The following KCNMA1 variants were observed in gnomAD, a reference collection of about 807,000 sequenced individuals.
The protein encoded by KCNMA1 is Calcium-activated potassium channel subunit alpha-1.
KCNMA1 carries 29 observed loss-of-function variants against 140.0 expected under a neutral mutation model. The ratio of observed to expected loss-of-function variants is 0.21; its 90% CI spans 0.15 to 0.28. KCNMA1 has a LOEUF of 0.28. Ranked by LOEUF, KCNMA1 falls within the 10% of genes least tolerant of loss-of-function variation. The pLI, the probability that KCNMA1 is intolerant of heterozygous loss-of-function variation, is 1.00. For missense variants in KCNMA1, 880 were observed against 1,602.2 expected (o/e 0.55, Z 7.70); for synonymous variants, 612 against 611.9 (o/e 1.00, Z 0.00).
At chr10:77,125,311 C>G (rs1017784680) in intron 5 of KCNMA1, among the ~76,000 whole-genome samples, 4 of 152,208 alleles carry the variant, frequency 2.6e-5, no homozygotes, top group Admixed American at 6.5e-5. Flanking sequence ...ATCCCACCAC[C>G]AGCACTATCT....
intron 24 of KCNMA1, chr10:76,913,837 T>A (rs2051428579): frequency 1.9e-6 from 1 of 537,690 alleles, no homozygotes; most frequent in Non-Finnish European, 3.3e-6. Context: ...ATGGGTGTGA[T>A]CAAAGGTTTA....
chr10:77,545,010 A>G (rs1431819450), intron 1 of KCNMA1, among the ~76,000 whole-genome samples: 1 of 152,152 alleles, frequency 6.6e-6, no homozygotes, highest in Non-Finnish European at 1.5e-5. Flanking sequence ...GCAGGTGCAA[A>G]ATGTACCGAG....
At chr10:77,004,449 G>C (rs1248807109) in intron 18 of KCNMA1, among the ~76,000 whole-genome samples, 1 of 152,150 alleles carries the variant, frequency 6.6e-6, no homozygotes, top group African/African-American at 2.4e-5. Context: ...TCTTCACCTA[G>C]AGACTTCTGG....
chr10:77,437,427 T>A (rs73287970), intron 1 of KCNMA1, among the ~76,000 whole-genome samples: 3,237 of 152,326 alleles, frequency 0.021, 71 homozygotes, highest in Middle Eastern at 0.058. Context: ...ACAGCTGCTG[T>A]GCTATGGTGG....
At chr10:77,563,612 T>C (rs2067128905) in intron 1 of KCNMA1, among the ~76,000 whole-genome samples, 1 of 151,766 alleles carries the variant, frequency 6.6e-6, no homozygotes. Context: ...CCAGTCTCCA[T>C]AGAGGAAAAA....
intron 3 of KCNMA1, among the ~76,000 whole-genome samples, chr10:77,246,349 A>C (rs7476396): frequency 0.15 from 22,745 of 152,230 alleles, 2,268 homozygotes; most frequent in Middle Eastern, 0.22. Flanking sequence ...GAATTCAATG[A>C]GGTTGCATGT....
intron 19 of KCNMA1, chr10:76,980,001 T>A (rs948944606): frequency 6.6e-5 from 10 of 152,220 alleles, no homozygotes; most frequent in African/African-American, 2.2e-4. Flanking sequence ...CTATAGATGT[T>A]CTTGAACTAT....
chr10:77,243,009 C>T (rs1348238174), intron 3 of KCNMA1, among the ~76,000 whole-genome samples: 1 of 151,452 alleles, frequency 6.6e-6, no homozygotes, highest in East Asian at 1.9e-4. Flanking sequence ...TCAAAAAGTC[C>T]CAAGGGCATT....
At chr10:77,565,862 A>G (rs1004674903) in intron 1 of KCNMA1, among the ~76,000 whole-genome samples, 1 of 151,744 alleles carries the variant, frequency 6.6e-6, no homozygotes, top group African/African-American at 2.4e-5. Flanking sequence ...CTCCCACCCC[A>G]TCCCCCTGAG....
chr10:77,021,832 G>A (rs1446122752), intron 16 of KCNMA1, among the ~76,000 whole-genome samples: 1 of 152,166 alleles, frequency 6.6e-6, no homozygotes, highest in Non-Finnish European at 1.5e-5. Context: ...GGAATCTAAA[G>A]AATGGATCCA....
intron 23 of KCNMA1, among the ~76,000 whole-genome samples, chr10:76,932,084 C>T (rs2059430056): frequency 6.6e-6 from 1 of 152,150 alleles, no homozygotes; most frequent in African/African-American, 2.4e-5. Context: ...TTCAGGGTTG[C>T]CATGTATGGT....
intron 15 of KCNMA1, among the ~76,000 whole-genome samples, chr10:77,033,412 C>A (rs542883983): frequency 7.9e-5 from 12 of 151,814 alleles, no homozygotes; most frequent in African/African-American, 2.2e-4. Flanking sequence ...ACCCTCTCTC[C>A]CACTCTCTTA....
chr10:77,144,363 CAGACA>C (rs1449673403), intron 5 of KCNMA1, among the ~76,000 whole-genome samples: 1 of 152,080 alleles, frequency 6.6e-6, no homozygotes, highest in Non-Finnish European at 1.5e-5. Flanking sequence ...AAATTGAGAG[CAGACA>C]AGACTAATCT....
intron 11 of KCNMA1, 63 bp from the exon 12 acceptor site, chr10:77,084,782 T>G: frequency 8.6e-7 from 1 of 1,167,770 alleles, no homozygotes; most frequent in Non-Finnish European, 1.3e-6. Context: ...TCGAGTGTAG[T>G]CTCTCTCTGT....
intron 5 of KCNMA1, among the ~76,000 whole-genome samples, chr10:77,158,579 C>T (rs2098517469): frequency 6.6e-6 from 1 of 152,116 alleles, no homozygotes; most frequent in Admixed American, 6.5e-5. Flanking sequence ...AGCTCCTCTC[C>T]CCTCTCTAGC....
At chr10:76,985,663 G>A (rs1000711234) in intron 19 of KCNMA1, among the ~76,000 whole-genome samples, 1 of 152,292 alleles carries the variant, frequency 6.6e-6, no homozygotes, top group South Asian at 2.1e-4. Flanking sequence ...ACACAAACGC[G>A]ATAGCAAAGG....
chr10:77,140,597 T>C (rs1163343166), intron 5 of KCNMA1: 1 of 152,498 alleles, frequency 6.6e-6, no homozygotes, highest in Non-Finnish European at 1.5e-5. Context: ...GGAGCCTGTG[T>C]TCCTCTGACC....
chr10:77,173,529 A>T (rs537403849), intron 5 of KCNMA1, among the ~76,000 whole-genome samples: 17 of 152,326 alleles, frequency 1.1e-4, no homozygotes, highest in African/African-American at 4.1e-4. Flanking sequence ...CATATATGTA[A>T]TATGTGTAAT....
intron 3 of KCNMA1, among the ~76,000 whole-genome samples, chr10:77,197,637 A>G (rs1420071453): frequency 6.6e-6 from 1 of 152,206 alleles, no homozygotes; most frequent in African/African-American, 2.4e-5. Flanking sequence ...GCATGCGTCC[A>G]GTGCTCACCA....
Sources: allele counts gnomAD v4.1 joint callset (sites outside exome capture counted in the v4.1 genomes callset), GRCh38; gene constraint gnomAD v4.1.1; transcripts MANE v1.5; gene names NCBI Gene and HGNC (gene_info 2026-07-23, HGNC 2026-07-21).